Variants in HSD17B3 observed in about 807,000 individuals in gnomAD.
HSD17B3 encodes 17-beta-hydroxysteroid dehydrogenase type 3.
HSD17B3 carries 29 observed loss-of-function variants against 41.1 expected under a neutral mutation model. That is an observed-to-expected ratio of 0.71 (90% CI 0.53 to 0.96). The LOEUF (loss-of-function observed/expected upper bound fraction) is 0.96. Among genes scored for constraint, HSD17B3 ranks in the 40% least tolerant of loss-of-function variants. HSD17B3 has a pLI of 0.00. For missense variants in HSD17B3, 323 were observed against 374.6 expected, an observed-to-expected ratio of 0.86 and a Z score of 1.14; for synonymous variants, 126 against 145.6, an observed-to-expected ratio of 0.87 and a Z score of 0.97.
intron 6 of HSD17B3, among the ~76,000 whole-genome samples, chr9:96,249,078 G>C (rs1836789451): frequency 6.6e-6 from 1 of 152,126 alleles, no homozygotes; most frequent in South Asian, 2.1e-4. Context: ...GCTAATTTTT[G>C]TATTTTTTAG....
At chr9:96,265,005 T>C (rs923682855) in intron 2 of HSD17B3, among the ~76,000 whole-genome samples, 3 of 152,214 alleles carry the variant, frequency 2.0e-5, no homozygotes, top group Non-Finnish European at 4.4e-5. Flanking sequence ...TTGCTTGAGT[T>C]TTTAAAAATT....
At chr9:96,249,864 C>A in intron 5 of HSD17B3, 78 bp from the exon 6 acceptor site, 1 of 1,612,162 alleles carries the variant, frequency 6.2e-7, no homozygotes, top group South Asian at 1.1e-5. Context: ...TGCTAAAGAA[C>A]CATGAAGTGG....
chr9:96,270,624 C>T (rs1343640420), intron 2 of HSD17B3, among the ~76,000 whole-genome samples: 2 of 152,214 alleles, frequency 1.3e-5, no homozygotes, highest in Non-Finnish European at 2.9e-5. Flanking sequence ...CAGAGCTAGC[C>T]AAGTGATTTT....
In HSD17B3 at chr9:96,254,852, T is replaced by C. The variant is rs896582645; in HGVS notation, c.277+16A>G. The C allele has an allele frequency of 6.2e-7, 1 of 1,610,700 alleles. No homozygotes were observed. Among genetic ancestry groups the C allele is most frequent in the Non-Finnish European group, 8.5e-7 (1 of 1,177,126 alleles). ...AGGGCTCCACACACATCTCCCTTATTTGGGGGGTCACTCACCGATCTCTGT... is the reference window on the plus strand; with the variant it reads ...AGGGCTCCACACACATCTCCCTTATCTGGGGGGTCACTCACCGATCTCTGT... On this transcript the variant is annotated intron_variant, in intron 3 of 10. Transcript: ENST00000375263.
At chr9:96,244,453 C>G in intron 8 of HSD17B3, 59 bp from the exon 9 acceptor site, 1 of 1,495,268 alleles carries the variant, frequency 6.7e-7, no homozygotes, top group African/African-American at 1.4e-5. Context: ...TCAGAGCCAA[C>G]TTCCTCTGAC....
At chr9:96,272,532 C>T (rs1262223935) in intron 2 of HSD17B3, among the ~76,000 whole-genome samples, 3 of 146,606 alleles carry the variant, frequency 2.0e-5, no homozygotes, top group South Asian at 4.3e-4. Context: ...GATATCACTA[C>T]ACAACCATCA....
intron 2 of HSD17B3, among the ~76,000 whole-genome samples, chr9:96,262,996 T>C (rs981991372): frequency 1.3e-5 from 2 of 152,224 alleles, no homozygotes; most frequent in Non-Finnish European, 2.9e-5. Context: ...TATGCTTTCT[T>C]TGCCATTTGT....
intron 2 of HSD17B3, among the ~76,000 whole-genome samples, chr9:96,265,642 C>CAT (rs1182105188): frequency 6.6e-6 from 1 of 151,960 alleles, no homozygotes; most frequent in Non-Finnish European, 1.5e-5. Context: ...AGAAGAGAGA[C>CAT]ATATATATAT....
At chr9:96,283,073 T>G (rs1036384164) in intron 2 of HSD17B3, among the ~76,000 whole-genome samples, 3 of 147,124 alleles carry the variant, frequency 2.0e-5, no homozygotes, top group African/African-American at 7.6e-5. Context: ...TGGTGCAATT[T>G]CAGCTCACTG....
At chr9:96,242,481 C>T (rs1172297033) in intron 9 of HSD17B3, among the ~76,000 whole-genome samples, 1 of 152,190 alleles carries the variant, frequency 6.6e-6, no homozygotes, top group Non-Finnish European at 1.5e-5. Context: ...ACCAGGATCA[C>T]TCAGATGATA....
intron 2 of HSD17B3, among the ~76,000 whole-genome samples, chr9:96,275,723 T>G (rs942709798): frequency 2.0e-5 from 3 of 151,662 alleles, no homozygotes; most frequent in African/African-American, 7.3e-5. Flanking sequence ...CTCAAGCTAA[T>G]CACAATGAAG....
chr9:96,247,865 A>G (rs750536162), intron 6 of HSD17B3, among the ~76,000 whole-genome samples: 8 of 152,126 alleles, frequency 5.3e-5, no homozygotes, highest in Non-Finnish European at 7.4e-5. Flanking sequence ...CCCTGCCCCG[A>G]AAGAGAACTC....
chr9:96,268,500 A>T (rs1051010757), intron 2 of HSD17B3, among the ~76,000 whole-genome samples: 1 of 152,196 alleles, frequency 6.6e-6, no homozygotes, highest in Non-Finnish European at 1.5e-5. Flanking sequence ...GATAATGATA[A>T]TAAGTGGTCC....
chr9:96,292,015 A>C (rs1827179875), intron 2 of HSD17B3, among the ~76,000 whole-genome samples: 1 of 152,184 alleles, frequency 6.6e-6, no homozygotes, highest in African/African-American at 2.4e-5. Context: ...AAATGGCAAA[A>C]ATAGAAAAAT....
intron 10 of HSD17B3, among the ~76,000 whole-genome samples, chr9:96,236,038 G>A (rs879842259): frequency 8.6e-5 from 13 of 150,854 alleles, no homozygotes; most frequent in Non-Finnish European, 1.9e-4. Flanking sequence ...TCAAACTCCC[G>A]GACTTAAGTG....
At chr9:96,265,539 C>A (rs924885766) in intron 2 of HSD17B3, among the ~76,000 whole-genome samples, 1 of 152,058 alleles carries the variant, frequency 6.6e-6, no homozygotes, top group African/African-American at 2.4e-5. Flanking sequence ...AACATACTAC[C>A]GTGCTCTACT....
Position 96,266,313 on chromosome 9 carries a change from C to G in HSD17B3, c.202-11370G>C, listed in dbSNP as rs538668651. On this transcript the variant is annotated intron_variant, in intron 2 of 10. Transcript: ENST00000375263. ...TTTTGGAGACAGTCTCACTCTGTTA[C>G]CCAGGCTGTAGTGCAGTGGTGTGAC... 7.0e-4 allele frequency among the ~76,000 whole-genome samples: 106 copies of G among 152,306 alleles called. 4 individuals carry two copies. The South Asian group carries it at 0.021, about 30-fold the overall frequency.
intron 6 of HSD17B3, among the ~76,000 whole-genome samples, chr9:96,247,893 T>G (rs1203457038): frequency 1.3e-5 from 2 of 152,188 alleles, no homozygotes; most frequent in Non-Finnish European, 2.9e-5. Flanking sequence ...TCCAGACGGC[T>G]TCTTTAAAAT....
chr9:96,277,618 G>A (rs990029909), intron 2 of HSD17B3, among the ~76,000 whole-genome samples: 2 of 152,108 alleles, frequency 1.3e-5, no homozygotes, highest in Admixed American at 1.3e-4. Flanking sequence ...ACTGTTGGTG[G>A]GAATGTAAAT....
Sources: gnomAD v4.1 joint callset for allele counts (sites outside exome capture counted in the v4.1 genomes callset) on GRCh38, gnomAD v4.1.1 for gene constraint, MANE v1.5 for transcripts, NCBI Gene and HGNC (gene_info 2026-07-23, HGNC 2026-07-21) for gene names.